The following SPSB4 variants were observed in gnomAD, a reference collection of about 807,000 sequenced individuals.
SPSB4 encodes SPRY domain-containing SOCS box protein 4.
SPSB4 carries 21 observed loss-of-function variants against 20.9 expected under a neutral mutation model. The ratio of observed to expected loss-of-function variants is 1.01; its 90% CI spans 0.71 to 1.45. The LOEUF (loss-of-function observed/expected upper bound fraction) is 1.45. Among genes scored for constraint, SPSB4 ranks in the 40% most tolerant of loss-of-function variants. The pLI, the probability that SPSB4 is intolerant of heterozygous loss-of-function variation, is 0.00. For missense variants in SPSB4, 399 were observed against 399.2 expected, an observed-to-expected ratio of 1.00 and a Z score of 0.00; for synonymous variants, 207 against 183.8, an observed-to-expected ratio of 1.13 and a Z score of -1.02.
chr3:141,064,552 A>G (rs1156716806), intron 1 of SPSB4, among the ~76,000 whole-genome samples: 1 of 152,138 alleles, frequency 6.6e-6, no homozygotes, highest in Non-Finnish European at 1.5e-5. Context: ...AACCCACAGG[A>G]TACTTGTCTG....
In SPSB4 at chr3:141,126,578, A is replaced by G. The variant is rs193260775; in HGVS notation, c.695-20564A>G. 1.4e-4 allele frequency among the ~76,000 whole-genome samples: 21 copies of G among 152,264 alleles called. No individual in the cohort carries two copies. In the East Asian group the frequency reaches 3.3e-3, roughly 24 times the overall value. On this transcript the variant is annotated intron_variant, in intron 2 of 2. Transcript: ENST00000310546. ...AGGACACCATCTGCCCATTGTATCA[A>G]CCCCAGAGGATCTTCTTCCACAGAC...
intron 2 of SPSB4, among the ~76,000 whole-genome samples, chr3:141,146,310 C>T (rs1029159597): frequency 3.5e-4 from 53 of 152,042 alleles, no homozygotes; most frequent in Non-Finnish European, 5.7e-4. Context: ...AAATGTAACC[C>T]GCTGCTGACC....
At chr3:141,120,361 G>A (rs900366178) in intron 2 of SPSB4, among the ~76,000 whole-genome samples, 15 of 152,208 alleles carry the variant, frequency 9.9e-5, no homozygotes, top group Non-Finnish European at 2.1e-4. Context: ...TAGAATAAGT[G>A]TGATGTGGTG....
chr3:141,097,751 C>G (rs1938566239), intron 2 of SPSB4, among the ~76,000 whole-genome samples: 1 of 123,166 alleles, frequency 8.1e-6, no homozygotes, highest in South Asian at 2.3e-4. Flanking sequence ...GTGGCTGGTC[C>G]CACAGAGCAA....
At chr3:141,108,014 G>T (rs1938726751) in intron 2 of SPSB4, among the ~76,000 whole-genome samples, 1 of 151,978 alleles carries the variant, frequency 6.6e-6, no homozygotes, top group Non-Finnish European at 1.5e-5. Context: ...TCGCTGTTCT[G>T]TCCTGCTTGG....
chr3:141,142,961 C>T (rs1301911627), intron 2 of SPSB4, among the ~76,000 whole-genome samples: 7 of 151,798 alleles, frequency 4.6e-5, no homozygotes, highest in East Asian at 1.9e-4. Flanking sequence ...GGACTACAGG[C>T]ACCCGCCACC....
At chr3:141,087,666 A>C (rs115299400) in intron 2 of SPSB4, among the ~76,000 whole-genome samples, 1 of 152,190 alleles carries the variant, frequency 6.6e-6, no homozygotes, top group East Asian at 1.9e-4. Flanking sequence ...TTGAGGTTGC[A>C]AGGCCAGGGA....
intron 1 of SPSB4, among the ~76,000 whole-genome samples, chr3:141,057,521 C>T (rs1413407003): frequency 1.3e-5 from 2 of 152,202 alleles, no homozygotes; most frequent in Admixed American, 6.5e-5. Context: ...ATTCCATAGA[C>T]GTTCACCCAC....
intron 2 of SPSB4, among the ~76,000 whole-genome samples, chr3:141,100,515 A>C (rs114385768): frequency 0.01 from 1,583 of 152,334 alleles, 24 homozygotes; most frequent in African/African-American, 0.036. Context: ...ATTCTCTCTC[A>C]CACTCCTCAG....
At chr3:141,069,742 C>T (rs1023231954) in intron 2 of SPSB4, among the ~76,000 whole-genome samples, 5 of 152,168 alleles carry the variant, frequency 3.3e-5, no homozygotes, top group African/African-American at 1.2e-4. Flanking sequence ...CTCACCGGCA[C>T]AGAGCAGACA....
intron 2 of SPSB4, among the ~76,000 whole-genome samples, chr3:141,103,529 T>C (rs1215890922): frequency 3.3e-5 from 5 of 152,222 alleles, no homozygotes; most frequent in Admixed American, 6.5e-5. Flanking sequence ...TCCTGAAGTA[T>C]ATTAAAGAAA....
In SPSB4 at chr3:141,089,999, G is replaced by A. The variant is rs1245808566; in HGVS notation, c.694+23201G>A. 6.5e-5 allele frequency among the ~76,000 whole-genome samples: 6 copies of A among 91,802 alleles called. No individual in the cohort carries two copies. The South Asian group carries it at 1.2e-3, about 18-fold the overall frequency. The allele number at this position is 91,802 out of a possible 152,430, so 60.2% of individuals were successfully genotyped here. ...GTGTTGGCCACTCCCTCCCTCCCCC[G>A]TCCCTTGTGTTTTTGCTCCTGCCTC... On this transcript the variant is annotated intron_variant, in intron 2 of 2. Coordinates refer to ENST00000310546, the MANE Select transcript of SPSB4 (RefSeq NM_080862.3).
intron 2 of SPSB4, among the ~76,000 whole-genome samples, chr3:141,145,223 A>AT (rs1162438915): frequency 4.9e-5 from 7 of 143,908 alleles, no homozygotes; most frequent in Non-Finnish European, 9.3e-5. Flanking sequence ...AATACAAAAA[A>AT]TTAAAAAAAA....
intron 2 of SPSB4, among the ~76,000 whole-genome samples, chr3:141,137,861 G>A (rs890951742): frequency 6.6e-6 from 1 of 152,170 alleles, no homozygotes; most frequent in Admixed American, 6.5e-5. Flanking sequence ...AATGAGTTAG[G>A]GAGGATTCCC....
chr3:141,137,763 C>T (rs1939252712), intron 2 of SPSB4, among the ~76,000 whole-genome samples: 1 of 152,148 alleles, frequency 6.6e-6, no homozygotes, highest in African/African-American at 2.4e-5. Flanking sequence ...ATTTTTGCAT[C>T]AATGTTCATC....
At chr3:141,064,200 A>G (rs140031402) in intron 1 of SPSB4, among the ~76,000 whole-genome samples, 2 of 152,294 alleles carry the variant, frequency 1.3e-5, no homozygotes, top group East Asian at 1.9e-4. Context: ...GTGTTTTCTC[A>G]CAGTATTTTT....
chr3:141,075,335 C>T (rs576787835), intron 2 of SPSB4, among the ~76,000 whole-genome samples: 2 of 152,196 alleles, frequency 1.3e-5, no homozygotes, highest in Admixed American at 6.5e-5. Flanking sequence ...TGTCAGAGAC[C>T]CTGTCCTGGC....
intron 2 of SPSB4, among the ~76,000 whole-genome samples, chr3:141,087,765 G>A (rs908678583): frequency 1.3e-5 from 2 of 151,768 alleles, no homozygotes; most frequent in African/African-American, 4.8e-5. Flanking sequence ...ATGCGGGCAG[G>A]GCAGAGGAGG....
intron 2 of SPSB4, among the ~76,000 whole-genome samples, chr3:141,141,225 C>T (rs1939321824): frequency 6.6e-6 from 1 of 152,194 alleles, no homozygotes; most frequent in Non-Finnish European, 1.5e-5. Context: ...CAGGTGCCAC[C>T]TGTCACCCCT....
Sources: gnomAD v4.1 joint callset for allele counts (sites outside exome capture counted in the v4.1 genomes callset) on GRCh38, gnomAD v4.1.1 for gene constraint, MANE v1.5 for transcripts, NCBI Gene and HGNC (gene_info 2026-07-23, HGNC 2026-07-21) for gene names.